Variants in SUPT3H observed in about 807,000 individuals in gnomAD.
SUPT3H encodes SPT3 homolog, SAGA and STAGA complex component.
Under a neutral mutation model 44.3 loss-of-function variants are expected in SUPT3H, and 44 were observed. That is an observed-to-expected ratio of 0.99 (90% CI 0.78 to 1.28). The LOEUF (loss-of-function observed/expected upper bound fraction) is 1.28, where lower values mean the gene tolerates loss of function less well. SUPT3H is among the 50% of genes most tolerant of loss of function. The pLI, the probability that SUPT3H is intolerant of heterozygous loss-of-function variation, is 0.00. For synonymous variants in SUPT3H, 124 were observed against 125.6 expected, an observed-to-expected ratio of 0.99 and a Z score of 0.09; for missense variants, 380 against 387.1, an observed-to-expected ratio of 0.98 and a Z score of 0.15.
chr6:45,166,935 G>A (rs1369011068), intron 2 of SUPT3H, among the ~76,000 whole-genome samples: 1 of 152,194 alleles, frequency 6.6e-6, no homozygotes, highest in Non-Finnish European at 1.5e-5. Flanking sequence ...GGGAAGTAAA[G>A]TTGTACCCCA....
At chr6:45,353,986 T>C (rs989466765) in intron 2 of SUPT3H, among the ~76,000 whole-genome samples, 1 of 152,084 alleles carries the variant, frequency 6.6e-6, no homozygotes, top group African/African-American at 2.4e-5. Flanking sequence ...GGCCAAAGTA[T>C]TTTCAAGCTC....
chr6:45,007,540 C>T (rs1548285), intron 5 of SUPT3H, among the ~76,000 whole-genome samples: 149,143 of 152,248 alleles, frequency 0.98, 73,064 homozygotes, highest in Middle Eastern at 1. Flanking sequence ...GACAAAAAAT[C>T]ATTTAGTTGT....
chr6:44,895,998 A>G (rs913690612), intron 10 of SUPT3H, among the ~76,000 whole-genome samples: 3 of 152,038 alleles, frequency 2.0e-5, no homozygotes, highest in South Asian at 2.1e-4. Context: ...GAGGGATTGT[A>G]TATGTCCCAT....
chr6:45,354,623 GCACACATACACACACACACACACA>G (rs1792768430), intron 2 of SUPT3H, among the ~76,000 whole-genome samples: 1 of 100,726 alleles, frequency 9.9e-6, no homozygotes, highest in Non-Finnish European at 2.1e-5. Context: ...ACAAATGCAC[GCACACATACACACACACACACACA>G]CACACAGTCT....
intron 2 of SUPT3H, among the ~76,000 whole-genome samples, chr6:45,277,348 ACTT>A (rs1337598495): frequency 3.9e-5 from 6 of 152,316 alleles, no homozygotes; most frequent in African/African-American, 1.4e-4. Context: ...TAGGATTAGC[ACTT>A]CTAATATGTC....
At chr6:45,012,916 G>C (rs982347384) in intron 5 of SUPT3H, among the ~76,000 whole-genome samples, 12 of 152,224 alleles carry the variant, frequency 7.9e-5, no homozygotes, top group Admixed American at 3.9e-4. Context: ...GTGCAGCCTT[G>C]AGTATGCAAA....
chr6:44,819,276 T>TA (rs1184254577), intron 11 of SUPT3H, among the ~76,000 whole-genome samples: 1 of 152,104 alleles, frequency 6.6e-6, no homozygotes, highest in Non-Finnish European at 1.5e-5. Flanking sequence ...CTGGAAAATA[T>TA]AAAAAATGAT....
intron 2 of SUPT3H, among the ~76,000 whole-genome samples, chr6:45,123,876 A>G (rs1377479484): frequency 6.6e-6 from 1 of 152,180 alleles, no homozygotes; most frequent in African/African-American, 2.4e-5. Flanking sequence ...CATCTCACAT[A>G]ATTTCATCTC....
chr6:45,249,920 C>A (rs976914648), intron 2 of SUPT3H, among the ~76,000 whole-genome samples: 6 of 152,152 alleles, frequency 3.9e-5, no homozygotes, highest in African/African-American at 9.7e-5. Context: ...CCCTTCTGCT[C>A]AGCTGCAAAA....
At chr6:44,818,219 G>A (rs540334659) in intron 11 of SUPT3H, among the ~76,000 whole-genome samples, 2 of 152,040 alleles carry the variant, frequency 1.3e-5, no homozygotes, top group African/African-American at 4.8e-5. Context: ...TTTTCTCAAC[G>A]AGTGGTATTG....
intron 10 of SUPT3H, among the ~76,000 whole-genome samples, chr6:44,833,978 C>T (rs1769338704): frequency 6.6e-6 from 1 of 152,166 alleles, no homozygotes; most frequent in Admixed American, 6.5e-5. Flanking sequence ...GAGGCTTTCT[C>T]AACTACTGCT....
At position 44,973,986 on chromosome 6, in the gene SUPT3H, G is replaced by A. The variant is rs537545789; in HGVS notation, c.505-12158C>T. Among the ~76,000 whole-genome samples, 25 of 152,242 alleles carry A rather than the reference G, an allele frequency of 1.6e-4. No homozygotes were observed. The South Asian group carries it at 4.6e-3, about 28-fold the overall frequency. ...CTACAATTCCAGATGAGATTTGGGT[G>A]GGGACACAGCCAAACTGTATCAATT... On this transcript the variant is annotated intron_variant, in intron 6 of 10. Coordinates refer to ENST00000371459, the MANE Select transcript of SUPT3H (RefSeq NM_003599.4).
intron 2 of SUPT3H, among the ~76,000 whole-genome samples, chr6:45,224,671 T>C (rs938450083): frequency 1.7e-4 from 25 of 151,224 alleles, no homozygotes; most frequent in African/African-American, 5.8e-4. Context: ...TCAGCTACTC[T>C]GGAGGCTGAG....
intron 10 of SUPT3H, among the ~76,000 whole-genome samples, chr6:44,870,794 C>G (rs1582106362): frequency 6.6e-6 from 1 of 150,794 alleles, no homozygotes; most frequent in Admixed American, 6.6e-5. Context: ...TGTGCGCGCA[C>G]CCTGCGCGAG....
At chr6:45,070,656 A>T (rs181719704) in intron 3 of SUPT3H, among the ~76,000 whole-genome samples, 2,642 of 147,858 alleles carry the variant, frequency 0.018, 52 homozygotes, top group South Asian at 0.087. Flanking sequence ...AATCACTTGA[A>T]CCTGGGAGGT....
intron 2 of SUPT3H, among the ~76,000 whole-genome samples, chr6:45,351,814 T>A (rs76941713): frequency 6.6e-6 from 1 of 152,080 alleles, no homozygotes; most frequent in East Asian, 1.9e-4. Context: ...TTAACCCAAT[T>A]ATCTTTCTTT....
chr6:45,050,692 C>T (rs1790142424), intron 3 of SUPT3H, among the ~76,000 whole-genome samples: 1 of 152,068 alleles, frequency 6.6e-6, no homozygotes, highest in Non-Finnish European at 1.5e-5. Context: ...AATACAAGGT[C>T]AATGAGTAGG....
chr6:45,317,407 G>C (rs1323200867), intron 2 of SUPT3H, among the ~76,000 whole-genome samples: 1 of 151,814 alleles, frequency 6.6e-6, no homozygotes, highest in Non-Finnish European at 1.5e-5. Flanking sequence ...TGAGCAAAAA[G>C]CAAATCCAGA....
intron 10 of SUPT3H, among the ~76,000 whole-genome samples, chr6:44,838,228 T>C (rs1174446146): frequency 6.6e-6 from 1 of 152,224 alleles, no homozygotes; most frequent in Non-Finnish European, 1.5e-5. Context: ...AAGGTGTATG[T>C]CTGTATGAAC....
Sources: gnomAD v4.1 joint callset for allele counts (sites outside exome capture counted in the v4.1 genomes callset) on GRCh38, gnomAD v4.1.1 for gene constraint, MANE v1.5 for transcripts, NCBI Gene and HGNC (gene_info 2026-07-23, HGNC 2026-07-21) for gene names.